Variants in HS3ST3A1 observed in about 807,000 individuals in gnomAD.
The protein encoded by HS3ST3A1 is heparan sulfate-glucosamine 3-sulfotransferase 3A1, also known as heparan sulfate glucosamine 3-O-sulfotransferase 3A1.
HS3ST3A1 carries 19 observed loss-of-function variants against 25.7 expected under a neutral mutation model. That is an observed-to-expected ratio of 0.74 (90% CI 0.52 to 1.08). The LOEUF (loss-of-function observed/expected upper bound fraction) is 1.08, where lower values mean the gene tolerates loss of function less well. Ranked by LOEUF, HS3ST3A1 falls within the 50% of genes least tolerant of loss-of-function variation. The pLI is 0.00. For synonymous variants in HS3ST3A1, 226 were observed against 278.6 expected, an observed-to-expected ratio of 0.81 and a Z score of 1.88; for missense variants, 459 against 594.3, an observed-to-expected ratio of 0.77 and a Z score of 2.37.
chr17:13,505,177 G>A (rs1046696980), intron 1 of HS3ST3A1, among the ~76,000 whole-genome samples: 1 of 152,156 alleles, frequency 6.6e-6, no homozygotes, highest in African/African-American at 2.4e-5. Context: ...TATTGCAGCA[G>A]ATAAGAGAAA....
chr17:13,550,042 TCAG>T, intron 1 of HS3ST3A1, among the ~76,000 whole-genome samples: 1 of 152,338 alleles, frequency 6.6e-6, no homozygotes, highest in East Asian at 1.9e-4. Context: ...TCATTTATTC[TCAG>T]AGCCTTAAAA....
At chr17:13,543,010 C>T (rs1338634149) in intron 1 of HS3ST3A1, among the ~76,000 whole-genome samples, 1 of 152,276 alleles carries the variant, frequency 6.6e-6, no homozygotes, top group Admixed American at 6.5e-5. Flanking sequence ...GTTGGTGCAA[C>T]CAGGGATCTG....
intron 1 of HS3ST3A1, among the ~76,000 whole-genome samples, chr17:13,506,170 A>G (rs552091813): frequency 2.7e-4 from 41 of 151,154 alleles, no homozygotes; most frequent in Non-Finnish European, 5.3e-4. Context: ...TATGACACAG[A>G]TGGATCATGT....
rs148886861 is a variant in HS3ST3A1, at chr17:13,495,827, A to G, written c.*370T>C. 314 of 167,868 alleles carry G rather than the reference A, an allele frequency of 1.9e-3. 1 individual carries two copies. The highest frequency in any genetic ancestry group is 3.1e-3 in the Non-Finnish European group (241 of 78,766). The allele number at this position is 167,868 out of a possible 1,614,324, so 10.4% of individuals were successfully genotyped here. On this transcript the variant is annotated 3_prime_UTR_variant, in exon 2 of 2. Coordinates refer to ENST00000284110, the MANE Select transcript of HS3ST3A1 (RefSeq NM_006042.3). ...TGGCACGGGAAAAAGGGAGAAAAAT[A>G]TAAGGATAGATATCAATTTTATCAG...
chr17:13,520,630 G>T (rs8067291), intron 1 of HS3ST3A1, among the ~76,000 whole-genome samples: 87,420 of 149,144 alleles, frequency 0.59, 25,598 homozygotes, highest in African/African-American at 0.7. Flanking sequence ...TTTTTTTTTT[G>T]GGGAAATAGA....
intron 1 of HS3ST3A1, among the ~76,000 whole-genome samples, chr17:13,578,719 T>C (rs1045573691): frequency 6.6e-6 from 1 of 152,126 alleles, no homozygotes; most frequent in Non-Finnish European, 1.5e-5. Flanking sequence ...ACTGAACGAA[T>C]GAATGTTGAT....
chr17:13,582,111 C>CT (rs11369821), intron 1 of HS3ST3A1, among the ~76,000 whole-genome samples: 4,389 of 149,368 alleles, frequency 0.029, 204 homozygotes, highest in African/African-American at 0.099. Context: ...TGTTCCTCCT[C>CT]TTTTTTTTTT....
In HS3ST3A1 at chr17:13,572,018, CA is replaced by C. The variant is rs537341790; in HGVS notation, c.599+28512del. Among the ~76,000 whole-genome samples, 13 of 152,276 alleles carry C rather than the reference CA, an allele frequency of 8.5e-5. 1 individual carries two copies. The South Asian group carries it at 2.7e-3, about 32-fold the overall frequency. ...ATGTGATCCACCCACCTCGGCCTCT[CA>C]AAGTGCTGGGATTACAGCCATGAGC... On this transcript the variant is annotated intron_variant, in intron 1 of 1. Transcript: ENST00000284110.
At chr17:13,579,155 A>G (rs569675916) in intron 1 of HS3ST3A1, among the ~76,000 whole-genome samples, 14 of 152,322 alleles carry the variant, frequency 9.2e-5, no homozygotes, top group African/African-American at 3.4e-4. Context: ...TGGAAACTCT[A>G]CCACTGTTCT....
At chr17:13,574,208 A>G (rs573322346) in intron 1 of HS3ST3A1, among the ~76,000 whole-genome samples, 48 of 145,200 alleles carry the variant, frequency 3.3e-4, no homozygotes, top group African/African-American at 1.2e-3. Context: ...ATCTCAGCTC[A>G]CTGCAACCTC....
intron 1 of HS3ST3A1, among the ~76,000 whole-genome samples, chr17:13,588,584 T>C (rs1480495588): frequency 6.6e-6 from 1 of 152,216 alleles, no homozygotes; most frequent in Non-Finnish European, 1.5e-5. Flanking sequence ...CACACATCTA[T>C]ATAAGTAAAT....
intron 1 of HS3ST3A1, among the ~76,000 whole-genome samples, chr17:13,503,888 C>A (rs1488691097): frequency 6.6e-6 from 1 of 152,204 alleles, no homozygotes; most frequent in East Asian, 1.9e-4. Context: ...ATATGTTCAC[C>A]AAAAGACATG....
chr17:13,546,573 C>T (rs1486360607), intron 1 of HS3ST3A1, among the ~76,000 whole-genome samples: 7 of 152,202 alleles, frequency 4.6e-5, no homozygotes, highest in Non-Finnish European at 5.9e-5. Context: ...GCCCATATTA[C>T]GCTTCTTAAT....
chr17:13,539,670 C>A (rs770664758), intron 1 of HS3ST3A1, among the ~76,000 whole-genome samples: 1 of 152,150 alleles, frequency 6.6e-6, no homozygotes, highest in Non-Finnish European at 1.5e-5. Context: ...AGCAATCAAG[C>A]ACAAAGAAGA....
intron 1 of HS3ST3A1, among the ~76,000 whole-genome samples, chr17:13,551,281 A>G (rs1432735252): frequency 6.6e-6 from 1 of 150,628 alleles, no homozygotes; most frequent in East Asian, 2.0e-4. Context: ...CCTGGGAGGC[A>G]GAGGTTGCAG....
intron 1 of HS3ST3A1, among the ~76,000 whole-genome samples, chr17:13,548,723 A>G (rs1907157863): frequency 6.6e-6 from 1 of 152,152 alleles, no homozygotes; most frequent in Non-Finnish European, 1.5e-5. Context: ...AGGTTTTCAA[A>G]CGCACCAATC....
chr17:13,509,476 A>T (rs1175237036), intron 1 of HS3ST3A1, among the ~76,000 whole-genome samples: 1 of 151,632 alleles, frequency 6.6e-6, no homozygotes, highest in Non-Finnish European at 1.5e-5. Context: ...TAATGTGTCC[A>T]TAAAAATGAT....
chr17:13,582,650 G>A (rs571979383), intron 1 of HS3ST3A1, among the ~76,000 whole-genome samples: 9 of 152,130 alleles, frequency 5.9e-5, no homozygotes, highest in South Asian at 2.1e-4. Context: ...AATGCCCAAC[G>A]TATTTCTAAG....
At chr17:13,501,182 G>A (rs951596545) in intron 1 of HS3ST3A1, among the ~76,000 whole-genome samples, 7 of 152,054 alleles carry the variant, frequency 4.6e-5, no homozygotes, top group Admixed American at 1.3e-4. Context: ...TGTGGGGATC[G>A]ATCACGTAAC....
Sources: allele counts gnomAD v4.1 joint callset (sites outside exome capture counted in the v4.1 genomes callset), GRCh38; gene constraint gnomAD v4.1.1; transcripts MANE v1.5; gene names NCBI Gene and HGNC (gene_info 2026-07-23, HGNC 2026-07-21).